The following TLCD4 variants were observed in gnomAD, a reference collection of about 807,000 sequenced individuals.
TLCD4 encodes the protein TLC domain-containing protein 4.
In TLCD4, 7 loss-of-function variants were observed where a neutral mutation model predicts 24.2. That is an observed-to-expected ratio of 0.29 (90% CI 0.16 to 0.54). TLCD4 has a LOEUF of 0.54. TLCD4 is among the 20% of genes least tolerant of loss of function. The pLI is 0.95. For missense variants in TLCD4, 259 were observed against 313.9 expected (o/e 0.82, Z 1.32); for synonymous variants, 103 against 106.4 (o/e 0.97, Z 0.20).
chr1:95,130,397 T>C (rs12753865), intron 1 of TLCD4, among the ~76,000 whole-genome samples: 10,761 of 152,188 alleles, frequency 0.071, 430 homozygotes, highest in Non-Finnish European at 0.089. Context: ...TGTGATCCAC[T>C]GGCCTCGGCC....
chr1:95,099,053 CAAAAA>C, the TLCD4 span, among the ~76,000 whole-genome samples: 6 of 70,654 alleles, frequency 8.5e-5, no homozygotes, highest in Middle Eastern at 0.031. Flanking sequence ...AACTCTGTCT[CAAAAA>C]AAAAAAAAAA....
intron 6 of TLCD4, among the ~76,000 whole-genome samples, chr1:95,177,949 T>G (rs1349104830): frequency 7.6e-6 from 1 of 132,184 alleles, no homozygotes. Flanking sequence ...TTTTTTTTTT[T>G]TGTTTTTTTT....
intron 1 of TLCD4, among the ~76,000 whole-genome samples, chr1:95,122,525 T>C (rs1272340371): frequency 6.6e-6 from 1 of 152,202 alleles, no homozygotes; most frequent in Non-Finnish European, 1.5e-5. Flanking sequence ...ATGTTTTCAG[T>C]GTTTGACTTC....
chr1:95,148,381 C>T (rs1677403541), intron 2 of TLCD4, among the ~76,000 whole-genome samples: 1 of 152,212 alleles, frequency 6.6e-6, no homozygotes, highest in Non-Finnish European at 1.5e-5. Context: ...TGCCATCTGG[C>T]TGCACAAAAG....
Position 95,126,711 on chromosome 1 carries a change from C to T in TLCD4, c.-12+9094C>T, listed in dbSNP as rs61773103. On this transcript the variant is annotated intron_variant, in intron 1 of 6. Transcript: ENST00000370203. Reference sequence around the variant, plus strand: ...GTGTTGGCTGTCAGCTGGGCAACCTCAGTTTTCTCATTGTGGCCTCTATCT... The same window carrying T: ...GTGTTGGCTGTCAGCTGGGCAACCTTAGTTTTCTCATTGTGGCCTCTATCT... Among the ~76,000 whole-genome samples the T allele has an allele frequency of 8.4e-4, 128 of 152,272 alleles. 1 individual carries two copies. The highest frequency in any genetic ancestry group is 1.5e-3 in the South Asian group (7 of 4,818).
At chr1:95,118,733 C>T (rs1279847188) in intron 1 of TLCD4, among the ~76,000 whole-genome samples, 3 of 152,144 alleles carry the variant, frequency 2.0e-5, no homozygotes, top group Non-Finnish European at 4.4e-5. Context: ...GTTAGAGAAT[C>T]CCAGCTCCCT....
At chr1:95,152,939 T>C (rs1677533711) in intron 5 of TLCD4, among the ~76,000 whole-genome samples, 1 of 152,184 alleles carries the variant, frequency 6.6e-6, no homozygotes, top group Non-Finnish European at 1.5e-5. Flanking sequence ...TATGTGTTCC[T>C]TGTGAATCAC....
intron 5 of TLCD4, among the ~76,000 whole-genome samples, chr1:95,167,564 GC>G (rs1381231207): frequency 1.3e-5 from 2 of 152,044 alleles, no homozygotes; most frequent in Non-Finnish European, 2.9e-5. Context: ...GGAACACCAA[GC>G]TCTGTGCCAA....
intron 5 of TLCD4, among the ~76,000 whole-genome samples, chr1:95,156,071 G>A (rs1221397606): frequency 6.6e-6 from 1 of 152,092 alleles, no homozygotes; most frequent in Non-Finnish European, 1.5e-5. Context: ...GGCTTAGTAA[G>A]TATAATGTTT....
intron 1 of TLCD4, 117 bp from the exon 2 acceptor site, chr1:95,143,773 TA>T (rs1677272155): frequency 9.9e-7 from 1 of 1,006,428 alleles, no homozygotes; most frequent in Non-Finnish European, 1.3e-6. Flanking sequence ...TTTATATTCT[TA>T]ACATTTGTTC....
chr1:95,109,026 G>T, the TLCD4 span, among the ~76,000 whole-genome samples: 1 of 152,052 alleles, frequency 6.6e-6, no homozygotes, highest in Non-Finnish European at 1.5e-5. Context: ...CATTGATATT[G>T]TAATACATTT....
chr1:95,113,302 T>G (rs1315490152), upstream of TLCD4, among the ~76,000 whole-genome samples: 2 of 152,312 alleles, frequency 1.3e-5, no homozygotes, highest in African/African-American at 4.8e-5. Context: ...TGTCTAGGCC[T>G]CCCAAAGTGC....
At position 95,119,723 on chromosome 1, in the gene TLCD4, G is replaced by A. The variant is rs1042353023; in HGVS notation, c.-12+2106G>A. ...GCTCTAAAGGAGGCCCAGCGTTCAT[G>A]TTCCTCTCTCAAAGCTGGTCTTGCA... On this transcript the variant is annotated intron_variant, in intron 1 of 6. Transcript: ENST00000370203. 2.7e-5 allele frequency among the ~76,000 whole-genome samples: 4 copies of A among 150,892 alleles called. No individual in the cohort carries two copies. In the East Asian group the frequency reaches 7.7e-4, roughly 29 times the overall value.
chr1:95,154,652 A>T (rs1677584219), intron 5 of TLCD4, among the ~76,000 whole-genome samples: 2 of 152,068 alleles, frequency 1.3e-5, no homozygotes, highest in South Asian at 2.1e-4. Flanking sequence ...GTTTCACATG[A>T]GTCTGATTTG....
intron 5 of TLCD4, among the ~76,000 whole-genome samples, chr1:95,155,893 G>A (rs1337593378): frequency 6.6e-6 from 1 of 151,898 alleles, no homozygotes; most frequent in Non-Finnish European, 1.5e-5. Context: ...AATTAGGGAT[G>A]TAAGATTTAA....
At chr1:95,137,309 T>C (rs1254121855) in intron 1 of TLCD4, among the ~76,000 whole-genome samples, 2 of 152,134 alleles carry the variant, frequency 1.3e-5, no homozygotes, top group African/African-American at 4.8e-5. Flanking sequence ...CTAAGCATAA[T>C]TGGGGCATTC....
the TLCD4 span, among the ~76,000 whole-genome samples, chr1:95,111,921 C>T: frequency 3.3e-5 from 5 of 152,134 alleles, no homozygotes; most frequent in East Asian, 3.9e-4. Context: ...ATAAACAAAA[C>T]GTCTAACCAG....
chr1:95,143,797 A>G, intron 1 of TLCD4, 94 bp from the exon 2 acceptor site: 1 of 1,179,560 alleles, frequency 8.5e-7, no homozygotes, highest in Non-Finnish European at 1.1e-6. Flanking sequence ...AATTTTAAAA[A>G]TTACTAAAAT....
At chr1:95,161,520 T>G (rs528112249) in intron 5 of TLCD4, among the ~76,000 whole-genome samples, 49 of 152,372 alleles carry the variant, frequency 3.2e-4, no homozygotes, top group Admixed American at 3.1e-3. Flanking sequence ...TGCTCTGATC[T>G]TAGTTATTTC....
Sources: allele counts gnomAD v4.1 joint callset (sites outside exome capture counted in the v4.1 genomes callset), GRCh38; gene constraint gnomAD v4.1.1; transcripts MANE v1.5; gene names NCBI Gene and HGNC (gene_info 2026-07-23, HGNC 2026-07-21).